NAV3: variants seen among roughly 807,000 people sequenced by gnomAD.
NAV3 encodes the protein neuron navigator 3, also known as pore membrane and/or filament interacting like protein 1.
In NAV3, 87 loss-of-function variants were observed where a neutral mutation model predicts 244.7. That is an observed-to-expected ratio of 0.36 (90% CI 0.30 to 0.42). The LOEUF (loss-of-function observed/expected upper bound fraction) is 0.42, where lower values mean the gene tolerates loss of function less well. Ranked by LOEUF, NAV3 falls within the 20% of genes least tolerant of loss-of-function variation. NAV3 has a pLI of 1.00. For synonymous variants in NAV3, 1,126 were observed against 1,042.2 expected (o/e 1.08, Z -1.55); for missense variants, 2,663 against 2,893.3 (o/e 0.92, Z 1.83).
chr12:78,063,153 G>T (rs766070043), intron 12 of NAV3, among the ~76,000 whole-genome samples: 1 of 152,064 alleles, frequency 6.6e-6, no homozygotes, highest in Non-Finnish European at 1.5e-5. Flanking sequence ...ACTTTCAGCA[G>T]CCATCTGTAG....
intron 11 of NAV3, 99 bp from the exon 12 acceptor site, chr12:78,058,893 TTGAG>T: frequency 1.1e-6 from 1 of 913,750 alleles, no homozygotes; most frequent in Non-Finnish European, 1.5e-6. Context: ...TAGAATATAT[TTGAG>T]TAATTATTGA....
intron 2 of NAV3, among the ~76,000 whole-genome samples, chr12:77,750,521 C>A (rs1210955112): frequency 6.7e-6 from 1 of 150,182 alleles, no homozygotes; most frequent in Non-Finnish European, 1.5e-5. Flanking sequence ...CCAACCTGAG[C>A]AATAGAGTGA....
At chr12:78,110,857 G>T (rs1163853791) in intron 12 of NAV3, among the ~76,000 whole-genome samples, 2 of 152,020 alleles carry the variant, frequency 1.3e-5, no homozygotes, top group South Asian at 4.1e-4. Flanking sequence ...ATGAAATCCT[G>T]TCATTTGCAG....
chr12:77,655,424 C>T (rs374213034), intron 2 of NAV3, among the ~76,000 whole-genome samples: 50 of 152,142 alleles, frequency 3.3e-4, no homozygotes, highest in Middle Eastern at 3.4e-3. Flanking sequence ...TAAAAAGAAA[C>T]GAACAAAGCC....
intron 2 of NAV3, among the ~76,000 whole-genome samples, chr12:77,685,461 A>G (rs1874678005): frequency 8.5e-6 from 1 of 118,130 alleles, no homozygotes; most frequent in South Asian, 3.1e-4. Context: ...GATACTCCCA[A>G]CGCATACACA....
In NAV3 at chr12:77,940,283, A is replaced by C. The variant is rs761041205; in HGVS notation, c.244-36A>C. On this transcript the variant is annotated intron_variant, in intron 1 of 39. Transcript: ENST00000397909. The stretch of plus-strand genomic sequence containing the variant: ...CATTTTATTGTCTCTGTTTTCCCTC[A>C]CCCCATCTCACTTTTTCCTTCTCTC... The C allele has an allele frequency of 8.9e-6, 13 of 1,462,410 alleles. No homozygotes were observed. The Admixed American group carries it at 1.9e-4, about 22-fold the overall frequency. The allele number at this position is 1,462,410 out of a possible 1,614,324, so 90.6% of individuals were successfully genotyped here. A position where few individuals can be genotyped will look rare whatever the true frequency, so the allele number is the denominator to read the frequency against.
chr12:78,174,790 T>C (rs1220032388), intron 24 of NAV3, among the ~76,000 whole-genome samples: 2 of 152,008 alleles, frequency 1.3e-5, no homozygotes, highest in Non-Finnish European at 2.9e-5. Context: ...TTCAGTTTCC[T>C]CATCTGTGAG....
intron 2 of NAV3, among the ~76,000 whole-genome samples, chr12:77,754,510 T>C (rs868392721): frequency 7.2e-5 from 11 of 152,218 alleles, no homozygotes; most frequent in Non-Finnish European, 1.3e-4. Context: ...ATTCACAGCA[T>C]AGAATTATAG....
chr12:77,706,351 CTA>C (rs985921990), intron 2 of NAV3, among the ~76,000 whole-genome samples: 2 of 151,332 alleles, frequency 1.3e-5, no homozygotes, highest in African/African-American at 4.9e-5. Context: ...TATTCAAAGA[CTA>C]TGAGATACTT....
At chr12:78,124,589 G>C (rs1955825998) in intron 16 of NAV3, among the ~76,000 whole-genome samples, 1 of 152,100 alleles carries the variant, frequency 6.6e-6, no homozygotes, top group Non-Finnish European at 1.5e-5. Flanking sequence ...GAGTAGCTGG[G>C]GTTATAGGAG....
Position 77,579,350 on chromosome 12 carries a change from T to G in NAV3, c.72+7084T>G, listed in dbSNP as rs957588696. 3.9e-5 allele frequency among the ~76,000 whole-genome samples: 6 copies of G among 152,320 alleles called. No homozygotes were observed. In the East Asian group the frequency reaches 1.2e-3, roughly 29 times the overall value. ...AAGTGGTGGTGCCCATGACTCTACC[T>G]TACTTCATTTTGTGCTGCAATAACA... is the stretch of plus-strand genomic sequence containing the variant. On this transcript the variant is annotated intron_variant, in intron 2 of 8. Transcript: ENST00000550042.
intron 5 of NAV3, among the ~76,000 whole-genome samples, chr12:77,985,728 C>A (rs922398721): frequency 6.6e-6 from 1 of 151,818 alleles, no homozygotes; most frequent in Non-Finnish European, 1.5e-5. Flanking sequence ...TAGATTCTTC[C>A]CTTTCTTTCA....
intron 2 of NAV3, among the ~76,000 whole-genome samples, chr12:77,771,065 A>C (rs1461868556): frequency 6.6e-6 from 1 of 152,226 alleles, no homozygotes; most frequent in Non-Finnish European, 1.5e-5. Flanking sequence ...ACAAATTTAC[A>C]AGAAAAAAAC....
chr12:77,759,655 G>T (rs1362669723), intron 2 of NAV3, among the ~76,000 whole-genome samples: 1 of 152,162 alleles, frequency 6.6e-6, no homozygotes, highest in Non-Finnish European at 1.5e-5. Flanking sequence ...TGTTATGTTA[G>T]TTCAGTGAAA....
chr12:78,111,608 G>A (rs1053268389), intron 12 of NAV3, among the ~76,000 whole-genome samples: 4 of 152,012 alleles, frequency 2.6e-5, no homozygotes, highest in African/African-American at 4.8e-5. Flanking sequence ...ACCAAGTATT[G>A]ACAAGGATAT....
chr12:77,695,711 T>C (rs1445381297), intron 2 of NAV3, among the ~76,000 whole-genome samples: 1 of 152,130 alleles, frequency 6.6e-6, no homozygotes. Flanking sequence ...CCATATATAT[T>C]GCAAGATGTT....
intron 34 of NAV3, among the ~76,000 whole-genome samples, chr12:78,196,535 C>G (rs1350779743): frequency 6.6e-6 from 1 of 151,916 alleles, no homozygotes; most frequent in Non-Finnish European, 1.5e-5. Context: ...TAATTATGTT[C>G]CTGGCCTACC....
intron 22 of NAV3, among the ~76,000 whole-genome samples, chr12:78,157,980 T>A (rs1022124762): frequency 6.6e-6 from 1 of 152,164 alleles, no homozygotes; most frequent in African/African-American, 2.4e-5. Flanking sequence ...TGCACCTTTG[T>A]ATCATAATGC....
At chr12:77,653,392 C>T (rs1265566985) in intron 2 of NAV3, among the ~76,000 whole-genome samples, 1 of 152,162 alleles carries the variant, frequency 6.6e-6, no homozygotes, top group East Asian at 1.9e-4. Flanking sequence ...ATTACATGAT[C>T]ATACATGTAT....
Sources: gnomAD v4.1 joint callset for allele counts (sites outside exome capture counted in the v4.1 genomes callset) on GRCh38, gnomAD v4.1.1 for gene constraint, MANE v1.5 for transcripts, NCBI Gene and HGNC (gene_info 2026-07-23, HGNC 2026-07-21) for gene names.